TGFBI: variants seen among roughly 807,000 people sequenced by gnomAD.
The protein encoded by TGFBI is transforming growth factor-beta-induced protein ig-h3.
A neutral mutation model predicts 73.7 loss-of-function variants in TGFBI; 50 were observed. The ratio of observed to expected loss-of-function variants is 0.68; its 90% confidence interval spans 0.54 to 0.86. The LOEUF (loss-of-function observed/expected upper bound fraction) is 0.86. Among genes scored for constraint, TGFBI ranks in the 40% least tolerant of loss-of-function variants. The pLI, the probability that TGFBI is intolerant of heterozygous loss-of-function variation, is 0.00. For missense variants in TGFBI, 839 were observed against 877.0 expected (o/e 0.96, Z 0.55); for synonymous variants, 362 against 360.5 (o/e 1.00, Z -0.05).
intron 12 of TGFBI, 121 bp downstream of exon 12, chr5:136,056,916 G>C: frequency 7.8e-7 from 1 of 1,281,882 alleles, no homozygotes; most frequent in East Asian, 2.6e-5. Flanking sequence ...AAGACTATTA[G>C]TGAAAGAGTG....
Position 136,060,842 on chromosome 5 carries a change from T to C in TGFBI, c.1812T>C (p.Asn604=), listed in dbSNP as rs1444346750. 18 of 1,598,144 alleles carry C rather than the reference T, an allele frequency of 1.1e-5. No individual in the cohort carries two copies. The highest frequency in any genetic ancestry group is 6.7e-5 in the Admixed American group (4 of 59,836). ...CTCTGTTTTTCTTTTAGAAAAACAA[T>C]GTGGTGAGTGTCAACAAGGAGCCTG... is the stretch of plus-strand genomic sequence containing the variant. ...GDKLEVSLKN[N]VVSVNKEPVA... Residue 604 remains asparagine (N), a synonymous_variant, in exon 14 of 17, where the codon AAT becomes AAC. Coordinates refer to ENST00000442011, the MANE Select transcript of TGFBI (RefSeq NM_000358.3).
At chr5:136,041,586 G>A (rs1202506541) in intron 2 of TGFBI, among the ~76,000 whole-genome samples, 2 of 152,182 alleles carry the variant, frequency 1.3e-5, no homozygotes, top group Admixed American at 6.5e-5. Context: ...TCCTAGGTCT[G>A]TTACTACCTA....
rs186926421 is a variant in TGFBI at position 136,062,711 on chromosome 5, T to C, written c.2011+24T>C. On this transcript the variant is annotated intron_variant, in intron 16 of 16. Transcript: ENST00000442011. ...AGGTGAGTCTGGTCTGGGTTTGAAG[T>C]CATTGCAGACCTGTTTAGGCCTTAC... 19 of 1,562,906 alleles carry C rather than the reference T, an allele frequency of 1.2e-5. No individual in the cohort carries two copies. The Admixed American group carries it at 1.5e-4, about 12-fold the overall frequency.
rs1396134834 is a variant in TGFBI, at chr5:136,033,842, A to C, written c.214A>C (p.Lys72Gln). ...FTNCKQWYQR[K>Q]ICGKSTVISY... is the part of the protein sequence containing the mutation. ...CAACTGCAAGCAGTGGTACCAAAGGAAAATCTGTGGCAAATCAACGTGAGT... is the reference window on the plus strand; with the variant it reads ...CAACTGCAAGCAGTGGTACCAAAGGCAAATCTGTGGCAAATCAACGTGAGT... Residue 72 changes from lysine (K) to glutamine (Q), a missense_variant, in exon 2 of 17, where the codon AAA becomes CAA. By Grantham distance (53) the Lys-to-Gln change is moderately conservative (BLOSUM62 1). Coordinates refer to ENST00000442011, the MANE Select transcript of TGFBI (RefSeq NM_000358.3). The C allele has an allele frequency of 1.2e-6, 2 of 1,613,656 alleles. No individual in the cohort carries two copies. The highest frequency in any genetic ancestry group is 4.5e-5 in the East Asian group (2 of 44,904).
At chr5:136,058,973 G>A (rs543514602) in intron 12 of TGFBI, 117 bp from the exon 13 acceptor site, 8 of 1,306,982 alleles carry the variant, frequency 6.1e-6, no homozygotes, top group Non-Finnish European at 8.4e-6. Flanking sequence ...TTATTCCCTG[G>A]GCAGGGAGTT....
intron 2 of TGFBI, among the ~76,000 whole-genome samples, chr5:136,040,338 C>G (rs1230233234): frequency 2.6e-5 from 4 of 152,138 alleles, no homozygotes; most frequent in Non-Finnish European, 4.4e-5. Context: ...TGTTAGGAAC[C>G]AGGCCACACA....
At chr5:136,056,907 A>G (rs1751645797) in intron 12 of TGFBI, 112 bp downstream of exon 12, 2 of 1,349,368 alleles carry the variant, frequency 1.5e-6, no homozygotes, top group East Asian at 5.1e-5. Flanking sequence ...TTTTATGACA[A>G]GACTATTAGT....
intron 9 of TGFBI, 103 bp from the exon 10 acceptor site, chr5:136,054,613 C>A: frequency 1.3e-6 from 2 of 1,519,816 alleles, no homozygotes; most frequent in South Asian, 2.3e-5. Context: ...TCCCTGTTTC[C>A]AAACTCAAGG....
intron 4 of TGFBI, 22 bp downstream of exon 4, chr5:136,046,517 C>A: frequency 1.3e-6 from 2 of 1,584,718 alleles, no homozygotes; most frequent in East Asian, 2.3e-5. Context: ...TCCGTCTGCC[C>A]GGGGGACTCT....
intron 7 of TGFBI, among the ~76,000 whole-genome samples, chr5:136,051,643 C>T (rs992539448): frequency 3.3e-5 from 5 of 152,166 alleles, no homozygotes; most frequent in Admixed American, 6.5e-5. Flanking sequence ...CTGCTGTTAC[C>T]GGCAGGTTGG....
intron 1 of TGFBI, among the ~76,000 whole-genome samples, chr5:136,031,361 CTT>C (rs1201172581): frequency 1.6e-4 from 25 of 152,352 alleles, no homozygotes; most frequent in African/African-American, 5.8e-4. Flanking sequence ...GGAAGGAAAA[CTT>C]TGCTATTTTA....
intron 2 of TGFBI, among the ~76,000 whole-genome samples, chr5:136,036,620 A>G (rs1411198467): frequency 6.6e-6 from 1 of 152,170 alleles, no homozygotes; most frequent in African/African-American, 2.4e-5. Flanking sequence ...TACGGTCAGA[A>G]TTCAGTGCCA....
chr5:136,036,166 C>A (rs1751217485), intron 2 of TGFBI, among the ~76,000 whole-genome samples: 1 of 152,112 alleles, frequency 6.6e-6, no homozygotes, highest in African/African-American at 2.4e-5. Flanking sequence ...TGGCGCAGCT[C>A]CCTTACCCAG....
intron 5 of TGFBI, 31 bp downstream of exon 5, chr5:136,047,046 C>T: frequency 1.2e-6 from 2 of 1,606,198 alleles, no homozygotes; most frequent in Non-Finnish European, 1.7e-6. Context: ...CTGCATGGCC[C>T]TTGGTGCATA....
In TGFBI at chr5:136,055,768, C is replaced by G. The variant is rs777744532; in HGVS notation, c.1499C>G (p.Pro500Arg). The G allele has an allele frequency of 1.2e-6, 2 of 1,612,644 alleles. No individual in the cohort carries two copies. Among genetic ancestry groups the G allele is most frequent in the South Asian group, 2.2e-5 (2 of 90,816 alleles). Residue 500 changes from proline to arginine, a missense_variant, in exon 11 of 17, where the codon CCC becomes CGC. Coordinates refer to ENST00000442011, the MANE Select transcript of TGFBI (RefSeq NM_000358.3). ...TLFTMDRVLT[P>R]PMGTVMDVLK... ...TTCACGATGGACCGGGTGCTGACCC[C>G]CCCAATGGGGACTGTCATGGATGTC...
chr5:136,037,597 C>T (rs775683492), intron 2 of TGFBI, among the ~76,000 whole-genome samples: 6 of 152,120 alleles, frequency 3.9e-5, no homozygotes, highest in East Asian at 1.9e-4. Context: ...GAGGAGCTAG[C>T]GGGTATGGGT....
At chr5:136,034,686 C>T (rs1486781608) in intron 2 of TGFBI, among the ~76,000 whole-genome samples, 1 of 152,020 alleles carries the variant, frequency 6.6e-6, no homozygotes, top group East Asian at 1.9e-4. Context: ...CTGCCCAGCT[C>T]CCTGGTGGAA....
chr5:136,047,316 C>T lies in TGFBI; in HGVS notation c.667C>T (p.His223Tyr), dbSNP rs762183440. 1.9e-6 allele frequency: 3 copies of T among 1,613,878 alleles called. No homozygotes were observed. Among genetic ancestry groups the T allele is most frequent in the East Asian group, 2.2e-5 (1 of 44,848 alleles). ...TGCCCGGCTGCTGAAAGCCGACCAC[C>T]ATGCAACCAACGGGGTGGTGCACCT... The part of the protein sequence containing the change: ...NCARLLKADH[H>Y]ATNGVVHLID... The change falls in exon 6 of 17, where the codon CAT becomes TAT. Residue 223 changes from histidine (H) to tyrosine (Y), a missense_variant. By Grantham distance (83) the His-to-Tyr change is moderately conservative. Coordinates refer to ENST00000442011, the MANE Select transcript of TGFBI (RefSeq NM_000358.3).
chr5:136,047,036 C>A (rs1395977661), intron 5 of TGFBI, 21 bp downstream of exon 5: 2 of 1,608,390 alleles, frequency 1.2e-6, no homozygotes, highest in South Asian at 2.2e-5. Flanking sequence ...CCCAGCCATA[C>A]TGCATGGCCC....
Sources: allele counts gnomAD v4.1 joint callset (sites outside exome capture counted in the v4.1 genomes callset), GRCh38; gene constraint gnomAD v4.1.1; transcripts MANE v1.5; gene names NCBI Gene and HGNC (gene_info 2026-07-23, HGNC 2026-07-21).